The following SLC24A2 variants were observed in gnomAD, a reference collection of about 807,000 sequenced individuals.
The protein encoded by SLC24A2 is sodium/potassium/calcium exchanger 2.
Under a neutral mutation model 62.0 loss-of-function variants are expected in SLC24A2, and 36 were observed. That is an observed-to-expected ratio of 0.58 (90% CI 0.44 to 0.77). The LOEUF (loss-of-function observed/expected upper bound fraction) is 0.77, where lower values mean the gene tolerates loss of function less well. SLC24A2 is among the 30% of genes least tolerant of loss of function. The pLI is 0.00. For synonymous variants in SLC24A2, 358 were observed against 294.0 expected (o/e 1.22, Z -2.23); for missense variants, 846 against 817.9 (o/e 1.03, Z -0.42).
At chr9:20,068,579 G>C in the SLC24A2 span, among the ~76,000 whole-genome samples, 3 of 152,064 alleles carry the variant, frequency 2.0e-5, no homozygotes, top group Non-Finnish European at 4.4e-5. Context: ...TTCAAGCTAA[G>C]TCTCTCAATA....
the SLC24A2 span, among the ~76,000 whole-genome samples, chr9:19,914,696 C>A: frequency 6.6e-6 from 1 of 152,006 alleles, no homozygotes; most frequent in Non-Finnish European, 1.5e-5. Flanking sequence ...TATGACCTTG[C>A]CTTGTTGTTA....
intron 2 of SLC24A2, among the ~76,000 whole-genome samples, chr9:19,735,931 C>G (rs1230193983): frequency 2.0e-5 from 3 of 151,928 alleles, no homozygotes; most frequent in Non-Finnish European, 2.9e-5. Flanking sequence ...GAGTGCAGCA[C>G]AACAACATGG....
At chr9:20,070,928 C>A in the SLC24A2 span, among the ~76,000 whole-genome samples, 2 of 152,106 alleles carry the variant, frequency 1.3e-5, no homozygotes, top group African/African-American at 4.8e-5. Flanking sequence ...GGAGGTGGGG[C>A]CCGGTGGGAG....
chr9:19,671,510 T>C (rs1037719912), intron 2 of SLC24A2, among the ~76,000 whole-genome samples: 8 of 152,122 alleles, frequency 5.3e-5, no homozygotes, highest in African/African-American at 1.7e-4. Flanking sequence ...ACAGCAACAG[T>C]TTGACTTCCT....
chr9:19,952,007 G>C, the SLC24A2 span, among the ~76,000 whole-genome samples: 1 of 151,904 alleles, frequency 6.6e-6, no homozygotes, highest in Non-Finnish European at 1.5e-5. Flanking sequence ...ATTTCCTTTG[G>C]CAATGTTTTG....
the SLC24A2 span, among the ~76,000 whole-genome samples, chr9:20,156,742 G>C: frequency 1.3e-5 from 2 of 151,754 alleles, no homozygotes; most frequent in Non-Finnish European, 2.9e-5. Context: ...AATGTCTAGA[G>C]TTTATCTGTG....
rs1564010053 is a variant in SLC24A2 at position 19,636,387 on chromosome 9, C to CTT, written c.931-14089_931-14088insAA. Among the ~76,000 whole-genome samples the CTT allele has an allele frequency of 2.6e-3, 58 of 22,338 alleles. 5 individuals are homozygous for CTT. The highest frequency in any genetic ancestry group is 8.2e-3 in the African/African-American group (54 of 6,614). The allele number at this position is 22,338 out of a possible 152,430, so 14.7% of individuals were successfully genotyped here. ...TCTTTCTTTCTTTCTTTCTTTCTTT[C>CTT]TCCCTCTCTCTCTCTCTCTCTTTCT... On this transcript the variant is annotated intron_variant, in intron 2 of 10. Coordinates refer to ENST00000341998, the MANE Select transcript of SLC24A2 (RefSeq NM_020344.4).
chr9:19,988,713 T>A, the SLC24A2 span, among the ~76,000 whole-genome samples: 1 of 152,160 alleles, frequency 6.6e-6, no homozygotes, highest in Non-Finnish European at 1.5e-5. Flanking sequence ...GTTCTGCTTT[T>A]GTGGAAGTAC....
the SLC24A2 span, among the ~76,000 whole-genome samples, chr9:20,307,362 A>G: frequency 2.0e-5 from 3 of 152,180 alleles, no homozygotes; most frequent in Non-Finnish European, 4.4e-5. Context: ...AGAGAGAATA[A>G]CTTCTTCACT....
At chr9:19,825,194 A>C in the SLC24A2 span, among the ~76,000 whole-genome samples, 1 of 152,292 alleles carries the variant, frequency 6.6e-6, no homozygotes, top group Admixed American at 6.5e-5. Flanking sequence ...ATTTCAGAAA[A>C]AGTTAACATC....
chr9:19,546,162 C>T (rs541245430), intron 8 of SLC24A2, among the ~76,000 whole-genome samples: 12 of 152,196 alleles, frequency 7.9e-5, no homozygotes, highest in Non-Finnish European at 1.5e-4. Flanking sequence ...GAGCTGTCTC[C>T]CAGTCAGTAC....
the SLC24A2 span, among the ~76,000 whole-genome samples, chr9:20,021,119 A>G: frequency 6.6e-6 from 1 of 152,172 alleles, no homozygotes; most frequent in Non-Finnish European, 1.5e-5. Context: ...AGATTAGTAA[A>G]TGAAAAATTA....
At chr9:19,633,708 T>C (rs1247454436) in intron 2 of SLC24A2, among the ~76,000 whole-genome samples, 1 of 152,220 alleles carries the variant, frequency 6.6e-6, no homozygotes, top group Non-Finnish European at 1.5e-5. Flanking sequence ...GTTGAACATC[T>C]TTTCGTGTGC....
At chr9:20,193,865 C>T in the SLC24A2 span, among the ~76,000 whole-genome samples, 3 of 152,054 alleles carry the variant, frequency 2.0e-5, no homozygotes, top group South Asian at 2.1e-4. Flanking sequence ...ATGATCCTAT[C>T]GGTTGAAAGA....
chr9:19,780,733 C>T (rs1364852291), intron 2 of SLC24A2, among the ~76,000 whole-genome samples: 1 of 151,444 alleles, frequency 6.6e-6, no homozygotes, highest in East Asian at 2.0e-4. Flanking sequence ...ATTAGCCGGG[C>T]GCGGTGGCAG....
the SLC24A2 span, among the ~76,000 whole-genome samples, chr9:20,034,726 C>A: frequency 6.6e-6 from 1 of 152,126 alleles, no homozygotes; most frequent in Non-Finnish European, 1.5e-5. Context: ...CCTTGACCTC[C>A]CAAAGTGCTG....
chr9:20,200,289 G>T, the SLC24A2 span, among the ~76,000 whole-genome samples: 2 of 152,164 alleles, frequency 1.3e-5, no homozygotes, highest in Admixed American at 1.3e-4. Flanking sequence ...CTTTCATGTG[G>T]AGATATTGGG....
At chr9:20,220,709 G>A in the SLC24A2 span, among the ~76,000 whole-genome samples, 1 of 152,074 alleles carries the variant, frequency 6.6e-6, no homozygotes, top group African/African-American at 2.4e-5. Flanking sequence ...TCCTAACTTA[G>A]AACGCTGTCA....
chr9:19,813,158 A>G, the SLC24A2 span, among the ~76,000 whole-genome samples: 1 of 152,038 alleles, frequency 6.6e-6, no homozygotes, highest in East Asian at 1.9e-4. Context: ...CAGCCCCATG[A>G]CACAATCAAA....
Sources: allele counts gnomAD v4.1 joint callset (sites outside exome capture counted in the v4.1 genomes callset), GRCh38; gene constraint gnomAD v4.1.1; transcripts MANE v1.5; gene names NCBI Gene and HGNC (gene_info 2026-07-23, HGNC 2026-07-21).